Variants in PTPRG observed in about 807,000 individuals in gnomAD.
PTPRG encodes protein tyrosine phosphatase receptor type G.
In PTPRG, 102 loss-of-function variants were observed where a neutral mutation model predicts 165.3. The observed-to-expected ratio is 0.62, with a 90% CI of 0.53 to 0.73. The LOEUF (loss-of-function observed/expected upper bound fraction) is 0.73, where lower values mean the gene tolerates loss of function less well. Among genes scored for constraint, PTPRG ranks in the 30% least tolerant of loss-of-function variants. PTPRG has a pLI of 0.00. For synonymous variants in PTPRG, 675 were observed against 669.5 expected (o/e 1.01, Z -0.13); for missense variants, 1,866 against 1,861.4 (o/e 1.00, Z -0.05).
intron 1 of PTPRG, among the ~76,000 whole-genome samples, chr3:61,646,962 A>G (rs888181053): frequency 1.3e-5 from 2 of 152,228 alleles, no homozygotes; most frequent in African/African-American, 4.8e-5. Flanking sequence ...ATTCCTGAGC[A>G]GTATTCCATG....
At position 62,240,219 on chromosome 3, in the gene PTPRG, A is replaced by T. The variant is rs894202849; in HGVS notation, c.2376-3588A>T. On this transcript the variant is annotated intron_variant, in intron 14 of 29. Transcript: ENST00000474889. The surrounding 1 kb of genome is among the most constrained non-coding windows in gnomAD (Gnocchi z 5.1). ...AACCCCCATGTAGTCCCAGCTACTTAGGAGGCTGAGGCACGAGAGGCGTGA... is the reference window on the plus strand; with the variant it reads ...AACCCCCATGTAGTCCCAGCTACTTTGGAGGCTGAGGCACGAGAGGCGTGA... Among the ~76,000 whole-genome samples, 1 of 152,170 alleles carries T rather than the reference A, an allele frequency of 6.6e-6. No homozygotes were observed. The highest frequency in any genetic ancestry group is 1.5e-5 in the Non-Finnish European group (1 of 68,026).
In PTPRG at chr3:61,765,989, A is replaced by G. The variant is rs543278882; in HGVS notation, c.190+17007A>G. 7.9e-5 allele frequency among the ~76,000 whole-genome samples: 12 copies of G among 152,222 alleles called. No homozygotes were observed. In the South Asian group the frequency reaches 2.3e-3, roughly 29 times the overall value. ...CAAAGGCTCTCTTTCTCTTTTCTCT[A>G]TTGAAACCCAATTTTTATTAGCATT... On this transcript the variant is annotated intron_variant, in intron 2 of 29. Coordinates refer to ENST00000474889, the MANE Select transcript of PTPRG (RefSeq NM_002841.4).
chr3:62,017,879 G>A (rs1005310280), intron 4 of PTPRG, among the ~76,000 whole-genome samples: 3 of 152,206 alleles, frequency 2.0e-5, no homozygotes, highest in Non-Finnish European at 4.4e-5. Flanking sequence ...CTGTAGCAGA[G>A]TTAAAAGGTG....
At chr3:61,697,604 CCTTT>C (rs1559561836) in intron 1 of PTPRG, among the ~76,000 whole-genome samples, 2 of 152,308 alleles carry the variant, frequency 1.3e-5, no homozygotes, top group East Asian at 3.9e-4. Flanking sequence ...AATAAGATAA[CCTTT>C]GGTAACAGTG....
At chr3:61,897,931 T>C (rs1207199490) in intron 2 of PTPRG, among the ~76,000 whole-genome samples, 2 of 152,186 alleles carry the variant, frequency 1.3e-5, no homozygotes, top group African/African-American at 4.8e-5. Context: ...CTCACTAGTT[T>C]TAGGAGGTTT....
chr3:61,976,180 T>G (rs537966580), intron 2 of PTPRG, among the ~76,000 whole-genome samples: 1 of 152,328 alleles, frequency 6.6e-6, no homozygotes, highest in Non-Finnish European at 1.5e-5. Flanking sequence ...CATGGAGAAA[T>G]GAGGATTCAT....
intron 2 of PTPRG, among the ~76,000 whole-genome samples, chr3:61,971,000 C>T (rs1033881872): frequency 2.0e-5 from 3 of 152,152 alleles, no homozygotes; most frequent in African/African-American, 7.2e-5. Flanking sequence ...GTCAATATTT[C>T]ATTGATGCCC....
At chr3:62,035,060 G>T (rs764310213) in intron 4 of PTPRG, among the ~76,000 whole-genome samples, 7 of 152,108 alleles carry the variant, frequency 4.6e-5, no homozygotes, top group Non-Finnish European at 1.0e-4. Context: ...CCAGGCCTCT[G>T]AGCAAGTTAG....
chr3:62,264,117 T>A (rs1212201193), intron 17 of PTPRG: 1 of 147,986 alleles, frequency 6.8e-6, no homozygotes, highest in Non-Finnish European at 1.5e-5. Flanking sequence ...CTGTACTCCA[T>A]CCTGGGTGAC....
At chr3:61,708,615 C>T (rs1169522954) in intron 1 of PTPRG, among the ~76,000 whole-genome samples, 1 of 151,734 alleles carries the variant, frequency 6.6e-6, no homozygotes, top group Admixed American at 6.6e-5. Flanking sequence ...CCACCACGCC[C>T]AGCTAATTTT....
chr3:62,101,638 T>C (rs1207957175), intron 5 of PTPRG, among the ~76,000 whole-genome samples: 1 of 152,246 alleles, frequency 6.6e-6, no homozygotes, highest in Non-Finnish European at 1.5e-5. Context: ...AGCACTTTTC[T>C]TTCATCGTTA....
At chr3:61,823,471 G>A (rs1303805289) in intron 2 of PTPRG, among the ~76,000 whole-genome samples, 1 of 151,972 alleles carries the variant, frequency 6.6e-6, no homozygotes, top group Non-Finnish European at 1.5e-5. Flanking sequence ...ACAGGCGTGA[G>A]CCACCAGGCC....
At chr3:62,013,084 A>G (rs538050556) in intron 4 of PTPRG, among the ~76,000 whole-genome samples, 166 of 152,086 alleles carry the variant, frequency 1.1e-3, no homozygotes, top group African/African-American at 3.5e-3. Flanking sequence ...ATATTTTTAT[A>G]TTATACAATA....
In PTPRG at chr3:61,578,600, A is replaced by G. The variant is rs557121262; in HGVS notation, c.85+16228A>G. On this transcript the variant is annotated intron_variant, in intron 1 of 29. Transcript: ENST00000474889. ...TTTCCAAGTAAGGTGAATATTCTCT[A>G]CTCTCCAGCCTGCTACTTAATTTGG... is the stretch of plus-strand genomic sequence containing the variant. Among the ~76,000 whole-genome samples, 60 of 152,158 alleles carry G rather than the reference A, an allele frequency of 3.9e-4. 1 individual carries two copies. The South Asian group carries it at 0.012, about 31-fold the overall frequency.
intron 2 of PTPRG, among the ~76,000 whole-genome samples, chr3:61,884,515 G>A (rs1559668413): frequency 6.6e-6 from 1 of 152,182 alleles, no homozygotes; most frequent in East Asian, 1.9e-4. Context: ...GACTATGGAA[G>A]TTCTTTTCAA....
At chr3:62,131,711 A>G (rs866917447) in intron 5 of PTPRG, among the ~76,000 whole-genome samples, 1 of 152,130 alleles carries the variant, frequency 6.6e-6, no homozygotes, top group Non-Finnish European at 1.5e-5. Flanking sequence ...AGTAAAGAAA[A>G]TTGTATAATG....
intron 1 of PTPRG, among the ~76,000 whole-genome samples, chr3:61,567,231 C>T (rs1393164152): frequency 6.6e-6 from 1 of 152,112 alleles, no homozygotes; most frequent in Non-Finnish European, 1.5e-5. Flanking sequence ...TCCACCTGAG[C>T]TTGATCTAGG....
At chr3:62,140,366 T>G (rs1356247229) in intron 6 of PTPRG, among the ~76,000 whole-genome samples, 1 of 152,198 alleles carries the variant, frequency 6.6e-6, no homozygotes, top group Non-Finnish European at 1.5e-5. Context: ...TAAATGTCCA[T>G]CAGTGGGAAC....
chr3:61,926,213 T>TC (rs939342976), intron 2 of PTPRG, among the ~76,000 whole-genome samples: 1 of 151,980 alleles, frequency 6.6e-6, no homozygotes, highest in Non-Finnish European at 1.5e-5. Context: ...GATCTGTGTC[T>TC]CCCCCCAGAT....
Sources: gnomAD v4.1 joint callset for allele counts (sites outside exome capture counted in the v4.1 genomes callset) on GRCh38, gnomAD v4.1.1 for gene constraint, Gnocchi (gnomAD v3.1) non-coding constraint, MANE v1.5 for transcripts, NCBI Gene and HGNC (gene_info 2026-07-23, HGNC 2026-07-21) for gene names.